The following GABRB3 variants were observed in gnomAD, a reference collection of about 807,000 sequenced individuals.
The protein encoded by GABRB3 is gamma-aminobutyric acid type A receptor subunit beta3.
In GABRB3, 14 loss-of-function variants were observed where a neutral mutation model predicts 52.1. The ratio of observed to expected loss-of-function variants is 0.27; its 90% CI spans 0.18 to 0.42. The LOEUF is 0.42. Ranked by LOEUF, GABRB3 falls within the 10% of genes least tolerant of loss-of-function variation. GABRB3 has a pLI of 1.00. For missense variants in GABRB3, 307 were observed against 609.1 expected (o/e 0.50, Z 5.22); for synonymous variants, 260 against 232.3 (o/e 1.12, Z -1.08).
intron 3 of GABRB3, among the ~76,000 whole-genome samples, chr15:26,751,850 A>G (rs1890518853): frequency 6.6e-6 from 1 of 151,976 alleles, no homozygotes; most frequent in African/African-American, 2.4e-5. Context: ...CCACACTAGT[A>G]AAGTAGAAAC....
intron 3 of GABRB3, among the ~76,000 whole-genome samples, chr15:26,705,825 T>C (rs568836105): frequency 1.3e-5 from 2 of 152,218 alleles, no homozygotes; most frequent in African/African-American, 2.4e-5. Context: ...CAGTTCACCA[T>C]AGGGTATCAT....
chr15:26,559,068 C>G (rs1889879114), intron 8 of GABRB3, among the ~76,000 whole-genome samples: 2 of 152,166 alleles, frequency 1.3e-5, no homozygotes. Flanking sequence ...TTAAACCATT[C>G]ATGATAAACC....
intron 3 of GABRB3, among the ~76,000 whole-genome samples, chr15:26,741,828 T>G (rs922357548): frequency 1.3e-5 from 2 of 152,180 alleles, no homozygotes; most frequent in Non-Finnish European, 2.9e-5. Flanking sequence ...CTGGCTGGTC[T>G]CAAACTCCTG....
intron 3 of GABRB3, chr15:26,749,814 T>A (rs1453015878): frequency 6.6e-6 from 1 of 152,208 alleles, no homozygotes; most frequent in Non-Finnish European, 1.5e-5. Flanking sequence ...GGTTGCAGAC[T>A]TCCCAGAGCA....
intron 6 of GABRB3, among the ~76,000 whole-genome samples, chr15:26,568,310 G>A (rs139741972): frequency 1.3e-3 from 204 of 152,200 alleles, no homozygotes; most frequent in African/African-American, 4.7e-3. Context: ...AGGCATTAAC[G>A]AGAGTCTCAA....
chr15:26,724,771 T>G (rs1889727760), intron 3 of GABRB3, among the ~76,000 whole-genome samples: 1 of 152,162 alleles, frequency 6.6e-6, no homozygotes, highest in Admixed American at 6.5e-5. Context: ...TCATGACTCC[T>G]CCTACAGTGT....
At chr15:26,590,884 T>A (rs530564620) in intron 4 of GABRB3, among the ~76,000 whole-genome samples, 3 of 152,306 alleles carry the variant, frequency 2.0e-5, no homozygotes, top group South Asian at 4.1e-4. Flanking sequence ...ACTTTGTGAC[T>A]TGCTTTATCT....
chr15:26,737,652 G>A (rs546695843), intron 3 of GABRB3, among the ~76,000 whole-genome samples: 7 of 151,888 alleles, frequency 4.6e-5, no homozygotes, highest in Admixed American at 1.3e-4. Context: ...TGTACAAAAG[G>A]GGATAATGGG....
chr15:26,726,273 G>C (rs1889768723), intron 3 of GABRB3, among the ~76,000 whole-genome samples: 1 of 152,112 alleles, frequency 6.6e-6, no homozygotes, highest in Admixed American at 6.6e-5. Flanking sequence ...TTTTGGATTA[G>C]GGATGCTCAA....
chr15:26,772,889 G>A lies in GABRB3; in HGVS notation c.74C>T (p.Ala25Val). The change falls in exon 1 of 9, where the codon GCC becomes GTC. Residue 25 changes from alanine to valine, a missense_variant. This residue lies in a region of GABRB3 where 90 missense variants were observed against 86.4 expected (regional missense o/e 1.04). Transcript: ENST00000311550. Reference sequence around the variant, plus strand: ...GGCCCACCCGCGACCCTACCTCTGGGCGCAGCACACCACAGCCACCAGCAC... The same window carrying A: ...GGCCCACCCGCGACCCTACCTCTGGACGCAGCACACCACAGCCACCAGCAC... Reference protein sequence around the residue: ...APVLVAVVCCAQSVNDPGNMS... With the variant: ...APVLVAVVCCVQSVNDPGNMS... 1.3e-6 allele frequency: 2 copies of A among 1,490,076 alleles called. No individual in the cohort carries two copies. Among genetic ancestry groups the A allele is most frequent in the Non-Finnish European group, 1.8e-6 (2 of 1,118,668 alleles). 92.3% of individuals were successfully genotyped at this position (1,490,076 alleles called of 1,614,324 possible).
chr15:26,567,540 G>A (rs191283583), intron 7 of GABRB3, 41 bp downstream of exon 7: 50 of 1,592,754 alleles, frequency 3.1e-5, no homozygotes, highest in African/African-American at 8.0e-5. Flanking sequence ...GTAATGATAC[G>A]GTTACTTTAC....
In GABRB3 at chr15:26,583,357, C is replaced by T; in HGVS notation, c.519G>A (p.Gln173=). ...AGCTTTCAATTTCCAGAGTGCAGTT[C>T]TGCTCGTCCAGGGGGTATCTCCTGA... The part of the protein sequence containing the change: ...MDLRRYPLDE[Q]NCTLEIESYG... Residue 173 remains glutamine (Q), a synonymous_variant, in exon 5 of 9, where the codon CAG becomes CAA. Coordinates refer to ENST00000311550, the MANE Select transcript of GABRB3 (RefSeq NM_000814.6). 1 of 1,613,976 alleles carries T rather than the reference C, an allele frequency of 6.2e-7. No homozygotes were observed.
At chr15:26,636,151 GA>G (rs1251186737) in intron 3 of GABRB3, among the ~76,000 whole-genome samples, 1 of 152,178 alleles carries the variant, frequency 6.6e-6, no homozygotes, top group Non-Finnish European at 1.5e-5. Flanking sequence ...CCGAAGGAGG[GA>G]AAACACAAGT....
chr15:26,702,994 C>G (rs557279801), intron 3 of GABRB3, among the ~76,000 whole-genome samples: 123 of 152,258 alleles, frequency 8.1e-4, no homozygotes, highest in Non-Finnish European at 4.3e-4. Flanking sequence ...CATAAATGGC[C>G]TTTTTGCTTT....
At chr15:26,640,291 G>A (rs1340193388) in intron 3 of GABRB3, among the ~76,000 whole-genome samples, 1 of 152,164 alleles carries the variant, frequency 6.6e-6, no homozygotes, top group Non-Finnish European at 1.5e-5. Flanking sequence ...GCCGAGGCAG[G>A]CAGATCACGA....
chr15:26,734,084 C>T (rs1026426889), intron 3 of GABRB3, among the ~76,000 whole-genome samples: 6 of 129,406 alleles, frequency 4.6e-5, no homozygotes, highest in Non-Finnish European at 7.7e-5. Flanking sequence ...GGCTGGAGTG[C>T]AATGGCATGA....
chr15:26,681,077 A>C (rs1338472244), intron 3 of GABRB3, among the ~76,000 whole-genome samples: 1 of 152,126 alleles, frequency 6.6e-6, no homozygotes. Context: ...CCTTTTAAAA[A>C]TCGTATTGCT....
At position 26,772,670 on chromosome 15, in the gene GABRB3, AG is replaced by A; in HGVS notation, c.172+10del. ...CGCGCTTCCCGCAACGGCCGCGCGC[AG>A]CCCACTTACCCCCGAAGTCGGGTCT... On this transcript the variant is annotated intron_variant, in intron 2 of 8. Transcript: ENST00000311550. The A allele has an allele frequency of 1.9e-6, 3 of 1,560,620 alleles. No homozygotes were observed. The highest frequency in any genetic ancestry group is 2.6e-6 in the Non-Finnish European group (3 of 1,153,504).
At chr15:26,650,088 A>G (rs1480377927) in intron 3 of GABRB3, among the ~76,000 whole-genome samples, 1 of 152,024 alleles carries the variant, frequency 6.6e-6, no homozygotes, top group African/African-American at 2.4e-5. Context: ...CCCAGCAACA[A>G]TGAGCTTGGA....
Sources: gnomAD v4.1 joint callset for allele counts (sites outside exome capture counted in the v4.1 genomes callset) on GRCh38, gnomAD v4.1.1 for gene constraint, gnomAD v4.1.1 regional missense constraint, MANE v1.5 for transcripts, NCBI Gene and HGNC (gene_info 2026-07-23, HGNC 2026-07-21) for gene names.